Variants in NOMO1 observed in about 807,000 individuals in gnomAD.
The protein encoded by NOMO1 is NODAL modulator 1.
Under a neutral mutation model 133.8 loss-of-function variants are expected in NOMO1, and 40 were observed. The observed-to-expected ratio is 0.30, with a 90% confidence interval of 0.23 to 0.39. The LOEUF (loss-of-function observed/expected upper bound fraction) is 0.39, where lower values mean the gene tolerates loss of function less well. Among genes scored for constraint, NOMO1 ranks in the 10% least tolerant of loss-of-function variants. The pLI is 1.00. For missense variants in NOMO1, 462 were observed against 1,419.9 expected (o/e 0.33, Z 10.84); for synonymous variants, 236 against 570.5 (o/e 0.41, Z 8.36).
At chr16:14,843,715 T>TTA (rs1555525427) in intron 3 of NOMO1, among the ~76,000 whole-genome samples, 1 of 125,932 alleles carries the variant, frequency 7.9e-6, no homozygotes, top group Non-Finnish European at 1.7e-5. Flanking sequence ...ATTGGAGTCT[T>TTA]TGTGTGTGTG....
chr16:14,862,521 G>A (rs561778122), intron 11 of NOMO1: 1 of 162,550 alleles, frequency 6.2e-6, no homozygotes, highest in South Asian at 1.6e-4. Flanking sequence ...TTTCATCCAT[G>A]TATTATATAT....
At chr16:14,879,250 C>T (rs1174497858) in intron 23 of NOMO1, among the ~76,000 whole-genome samples, 12 of 151,610 alleles carry the variant, frequency 7.9e-5, no homozygotes, top group Non-Finnish European at 1.8e-4. Context: ...CAGTCGGAGG[C>T]CCTGACTGGT....
intron 9 of NOMO1, among the ~76,000 whole-genome samples, chr16:14,856,067 C>T (rs1320882722): frequency 6.6e-6 from 1 of 152,078 alleles, no homozygotes; most frequent in Non-Finnish European, 1.5e-5. Context: ...TGCTGTTGCA[C>T]ACGTGCGTGC....
At chr16:14,866,807 C>G in intron 15 of NOMO1, 116 bp downstream of exon 15, 1 of 1,603,254 alleles carries the variant, frequency 6.2e-7, no homozygotes, top group Non-Finnish European at 8.5e-7. Context: ...CCTTTTCTGC[C>G]TCTCCACTCG....
intron 27 of NOMO1, among the ~76,000 whole-genome samples, chr16:14,884,936 C>T (rs1350231566): frequency 6.6e-6 from 1 of 152,054 alleles, no homozygotes; most frequent in African/African-American, 2.4e-5. Context: ...GCTCCTCGTT[C>T]TGTAGGTTGT....
At chr16:14,879,076 G>A (rs537165041) in intron 23 of NOMO1, among the ~76,000 whole-genome samples, 3 of 152,010 alleles carry the variant, frequency 2.0e-5, no homozygotes, top group African/African-American at 7.3e-5. Context: ...CTAAGACAGT[G>A]TAATTAATTT....
chr16:14,858,832 A>G (rs1259664410), intron 11 of NOMO1, among the ~76,000 whole-genome samples: 4 of 152,108 alleles, frequency 2.6e-5, no homozygotes, highest in Admixed American at 2.6e-4. Flanking sequence ...ACTTGGGCAC[A>G]GGAGCTCTGA....
At chr16:14,884,607 G>C in intron 27 of NOMO1, 125 bp downstream of exon 27, 1 of 1,421,144 alleles carries the variant, frequency 7.0e-7, no homozygotes. Flanking sequence ...GTGCTCCAGA[G>C]CGCCGCCTGC....
intron 25 of NOMO1, 57 bp from the exon 26 acceptor site, chr16:14,882,537 C>T: frequency 1.9e-6 from 3 of 1,611,044 alleles, no homozygotes; most frequent in African/African-American, 1.3e-5. Flanking sequence ...AGGCTTGGAC[C>T]AGGCACGATA....
chr16:14,846,252 C>G (rs1267632197), intron 4 of NOMO1, among the ~76,000 whole-genome samples: 2 of 150,694 alleles, frequency 1.3e-5, no homozygotes, highest in Non-Finnish European at 2.9e-5. Context: ...GTCTCAAACT[C>G]CTGACCTCAA....
chr16:14,856,769 C>T lies in NOMO1; in HGVS notation c.964-448C>T, dbSNP rs538590645. On this transcript the variant is annotated intron_variant, in intron 9 of 30. Coordinates refer to ENST00000287667, the MANE Select transcript of NOMO1 (RefSeq NM_014287.4). ...CGTGGTGGAAAGACAGGAGGGGGCA[C>T]GTGAGACCTTGCAGAGGTGGAATCC... 1.2e-4 allele frequency among the ~76,000 whole-genome samples: 18 copies of T among 151,950 alleles called. No individual in the cohort carries two copies. The South Asian group carries it at 3.5e-3, about 30-fold the overall frequency.
At position 14,884,335 on chromosome 16, in the gene NOMO1, C is replaced by G. The variant is rs368761702; in HGVS notation, c.3112-37C>G. ...GCTGGCATAGAAGTTCCTCCACCAG[C>G]TTTCTCATTACTGGTATTCCCTCTT... On this transcript the variant is annotated intron_variant, in intron 26 of 30. Transcript: ENST00000287667. The G allele has an allele frequency of 2.4e-5, 22 of 932,172 alleles. 1 individual carries two copies. The Admixed American group carries it at 5.2e-4, about 22-fold the overall frequency. 57.7% of individuals were successfully genotyped at this position (932,172 alleles called of 1,614,324 possible).
At chr16:14,840,605 CAAAA>C (rs1428754256) in intron 2 of NOMO1, among the ~76,000 whole-genome samples, 2 of 150,332 alleles carry the variant, frequency 1.3e-5, no homozygotes, top group Non-Finnish European at 3.0e-5. Flanking sequence ...AAAACTAAAA[CAAAA>C]ACAAAGAAAC....
intron 15 of NOMO1, among the ~76,000 whole-genome samples, chr16:14,867,652 T>G (rs1407187529): frequency 3.4e-5 from 5 of 149,162 alleles, no homozygotes; most frequent in Non-Finnish European, 7.4e-5. Context: ...CTATAATGTT[T>G]TGATGTCGAG....
intron 16 of NOMO1, among the ~76,000 whole-genome samples, chr16:14,871,211 A>G (rs1157349657): frequency 1.3e-5 from 2 of 151,326 alleles, no homozygotes; most frequent in Non-Finnish European, 2.9e-5. Context: ...TTTTAGGAAT[A>G]TTTATAGGAA....
chr16:14,878,198 TAGAA>T (rs1298281782), intron 22 of NOMO1, among the ~76,000 whole-genome samples: 1 of 141,712 alleles, frequency 7.1e-6, no homozygotes, highest in African/African-American at 2.6e-5. Flanking sequence ...TGTGTGGGCA[TAGAA>T]AGAGTTCTGG....
rs922020177 is a variant in NOMO1 at position 14,866,692 on chromosome 16, G to C, written c.1806+1G>C. On this transcript the variant is annotated splice_donor_variant, in intron 15 of 30. Transcript: ENST00000287667. LOFTEE classifies it high-confidence loss of function. ...TTCCCTGTCTCACGCCATCACTCTG[G>C]TATGTACGGCTTATTGAGTCTCTTA... The C allele has an allele frequency of 6.2e-7, 1 of 1,609,976 alleles. No individual in the cohort carries two copies. The highest frequency in any genetic ancestry group is 8.5e-7 in the Non-Finnish European group (1 of 1,179,728).
chr16:14,862,973 T>C (rs774496153), intron 11 of NOMO1, 40 bp from the exon 12 acceptor site: 2 of 1,610,094 alleles, frequency 1.2e-6, no homozygotes, highest in African/African-American at 1.3e-5. Flanking sequence ...CCTGTTATAA[T>C]TGAGTCCTCG....
At chr16:14,841,833 C>G (rs942596438) in intron 3 of NOMO1, among the ~76,000 whole-genome samples, 25 of 151,222 alleles carry the variant, frequency 1.7e-4, no homozygotes, top group African/African-American at 5.9e-4. Context: ...GATTTATGTC[C>G]CATGAGATGA....
Sources: allele counts gnomAD v4.1 joint callset (sites outside exome capture counted in the v4.1 genomes callset), GRCh38; gene constraint gnomAD v4.1.1; transcripts MANE v1.5; gene names NCBI Gene and HGNC (gene_info 2026-07-23, HGNC 2026-07-21).